SLC26A4: variants seen among roughly 807,000 people sequenced by gnomAD.
SLC26A4 encodes solute carrier family 26 member 4.
Under a neutral mutation model 90.4 loss-of-function variants are expected in SLC26A4, and 93 were observed. The observed-to-expected ratio is 1.03, with a 90% CI of 0.87 to 1.22. The LOEUF (loss-of-function observed/expected upper bound fraction) is 1.22, where lower values mean the gene tolerates loss of function less well. Ranked by LOEUF, SLC26A4 falls within the 50% of genes most tolerant of loss-of-function variation. The pLI, the probability that SLC26A4 is intolerant of heterozygous loss-of-function variation, is 0.00. For synonymous variants in SLC26A4, 393 were observed against 354.6 expected, an observed-to-expected ratio of 1.11 and a Z score of -1.22; for missense variants, 1,127 against 946.2, an observed-to-expected ratio of 1.19 and a Z score of -2.51.
intron 18 of SLC26A4, among the ~76,000 whole-genome samples, chr7:107,704,876 T>A (rs1179182324): frequency 6.6e-6 from 1 of 152,220 alleles, no homozygotes; most frequent in Non-Finnish European, 1.5e-5. Flanking sequence ...TTAGTTTAGG[T>A]TTGATAACTT....
intron 18 of SLC26A4, among the ~76,000 whole-genome samples, chr7:107,706,086 T>C (rs113639704): frequency 0.025 from 3,754 of 152,294 alleles, 152 homozygotes; most frequent in African/African-American, 0.085. Flanking sequence ...CTCATAAATA[T>C]TGAACAGGGC....
At chr7:107,705,320 T>C (rs1792011570) in intron 18 of SLC26A4, among the ~76,000 whole-genome samples, 1 of 152,198 alleles carries the variant, frequency 6.6e-6, no homozygotes, top group South Asian at 2.1e-4. Context: ...GAGTTTTTGT[T>C]GTTTCAGAGA....
At chr7:107,665,029 G>A (rs1249053089) in intron 3 of SLC26A4, among the ~76,000 whole-genome samples, 2 of 152,086 alleles carry the variant, frequency 1.3e-5, no homozygotes, top group African/African-American at 4.8e-5. Flanking sequence ...GGCTGTGGCA[G>A]GGGAGTGCAA....
At chr7:107,679,939 AATCTT>A (rs1284545121) in intron 6 of SLC26A4, among the ~76,000 whole-genome samples, 15 of 138,196 alleles carry the variant, frequency 1.1e-4, no homozygotes, top group East Asian at 8.7e-4. Flanking sequence ...CTTATTATAT[AATCTT>A]ATCTTATATA....
intron 8 of SLC26A4, among the ~76,000 whole-genome samples, chr7:107,683,817 T>C (rs1048854003): frequency 2.0e-5 from 3 of 152,204 alleles, no homozygotes; most frequent in South Asian, 2.1e-4. Flanking sequence ...TTTAAACTTA[T>C]ACATAACATT....
At chr7:107,674,647 T>C (rs1790972028) in intron 5 of SLC26A4, among the ~76,000 whole-genome samples, 1 of 152,176 alleles carries the variant, frequency 6.6e-6, no homozygotes, top group Non-Finnish European at 1.5e-5. Context: ...AAAAGTGTTC[T>C]GGTGAGCGGA....
At position 107,661,682 on chromosome 7, in the gene SLC26A4, C is replaced by T; in HGVS notation, c.41C>T (p.Pro14Leu). The change falls in exon 2 of 21, where the codon CCC becomes CTC. Residue 14 changes from proline (P) to leucine (L), a missense_variant. Coordinates refer to ENST00000644269, the MANE Select transcript of SLC26A4 (RefSeq NM_000441.2). The surrounding 1 kb of genome is among the most constrained non-coding windows in gnomAD (Gnocchi z 5.1). ...GGCAGGTCGGAGCCGCCGCAGCTCC[C>T]CGAGTACAGCTGCAGCTACATGGTG... ...PGGRSEPPQL[P>L]EYSCSYMVSR... The T allele has an allele frequency of 6.4e-7, 1 of 1,572,680 alleles. No individual in the cohort carries two copies. Among genetic ancestry groups the T allele is most frequent in the African/African-American group, 1.3e-5 (1 of 74,438 alleles).
intron 10 of SLC26A4, among the ~76,000 whole-genome samples, chr7:107,690,991 G>T (rs1472446086): frequency 6.6e-6 from 1 of 151,900 alleles, no homozygotes; most frequent in Non-Finnish European, 1.5e-5. Flanking sequence ...CAGGAATTTT[G>T]CTTCTGTCTC....
chr7:107,700,854 G>T (rs1347612198), intron 15 of SLC26A4, among the ~76,000 whole-genome samples: 1 of 152,174 alleles, frequency 6.6e-6, no homozygotes, highest in Non-Finnish European at 1.5e-5. Flanking sequence ...GGGTGTGTGT[G>T]TGTTTCTGTT....
chr7:107,676,466 C>A (rs1791026597), intron 6 of SLC26A4, among the ~76,000 whole-genome samples: 1 of 152,000 alleles, frequency 6.6e-6, no homozygotes, highest in Non-Finnish European at 1.5e-5. Context: ...ATTCACCATG[C>A]AAAAGAAATG....
chr7:107,705,291 C>T (rs2129318998), intron 18 of SLC26A4, among the ~76,000 whole-genome samples: 1 of 152,328 alleles, frequency 6.6e-6, no homozygotes, highest in East Asian at 1.9e-4. Context: ...GTGCCCTCCT[C>T]ATTATCATGT....
chr7:107,665,837 G>A (rs1427374573), intron 3 of SLC26A4, among the ~76,000 whole-genome samples: 2 of 152,150 alleles, frequency 1.3e-5, no homozygotes, highest in African/African-American at 2.4e-5. Context: ...CTGGTAAGTG[G>A]TACAGCTGGG....
intron 18 of SLC26A4, among the ~76,000 whole-genome samples, chr7:107,706,896 G>A (rs570958566): frequency 5.3e-5 from 8 of 152,314 alleles, no homozygotes; most frequent in African/African-American, 1.7e-4. Context: ...AAGGCTGGGT[G>A]CGGTGGCTCA....
chr7:107,676,199 G>A (rs1791019805), intron 6 of SLC26A4, among the ~76,000 whole-genome samples: 1 of 152,178 alleles, frequency 6.6e-6, no homozygotes, highest in Admixed American at 6.5e-5. Context: ...AATTGGGTTA[G>A]TAATAGTATA....
rs545754344 is a variant in SLC26A4 at position 107,689,985 on chromosome 7, A to G, written c.1150-139A>G. The G allele has an allele frequency of 2.1e-5, 15 of 718,938 alleles. No individual in the cohort carries two copies. The African/African-American group carries it at 2.4e-4, about 12-fold the overall frequency. The allele number at this position is 718,938 out of a possible 1,614,324, so 44.5% of individuals were successfully genotyped here. A position where few individuals can be genotyped will look rare whatever the true frequency, so the allele number is the denominator to read the frequency against. On this transcript the variant is annotated intron_variant, in intron 9 of 20. Coordinates refer to ENST00000644269, the MANE Select transcript of SLC26A4 (RefSeq NM_000441.2). The stretch of plus-strand genomic sequence containing the variant: ...TGTCGTACAAGGACCCCAAGTACCT[A>G]TCACGGTAAAAATTAAATTGGACCA...
intron 10 of SLC26A4, 67 bp downstream of exon 10, chr7:107,690,304 T>G: frequency 1.0e-6 from 1 of 962,006 alleles, no homozygotes; most frequent in African/African-American, 1.6e-5. Context: ...AGAGGAAGGC[T>G]CGCACCGAGC....
At chr7:107,677,128 G>A (rs1791044357) in intron 6 of SLC26A4, among the ~76,000 whole-genome samples, 1 of 152,206 alleles carries the variant, frequency 6.6e-6, no homozygotes, top group Non-Finnish European at 1.5e-5. Flanking sequence ...AGTGAGCCGA[G>A]ATCATGCCAC....
At chr7:107,713,166 G>C (rs1451757481) in intron 20 of SLC26A4, among the ~76,000 whole-genome samples, 2 of 152,156 alleles carry the variant, frequency 1.3e-5, no homozygotes, top group Non-Finnish European at 2.9e-5. Flanking sequence ...TTCGCCACTG[G>C]ATAAGAGGTG....
rs191890946 is a variant in SLC26A4, at chr7:107,663,527, C to T, written c.304+92C>T. 18 of 1,360,366 alleles carry T rather than the reference C, an allele frequency of 1.3e-5. No homozygotes were observed. In the East Asian group the frequency reaches 3.9e-4, roughly 29 times the overall value. The allele number at this position is 1,360,366 out of a possible 1,614,324, so 84.3% of individuals were successfully genotyped here. A position where few individuals can be genotyped will look rare whatever the true frequency, so the allele number is the denominator to read the frequency against. The stretch of plus-strand genomic sequence containing the variant: ...TAGGTCTGTGACAGATGGTTGCTTA[C>T]CCTTCAAGGCCTGTATCTTTCCTGT... On this transcript the variant is annotated intron_variant, in intron 3 of 20. Transcript: ENST00000644269.
Sources: allele counts gnomAD v4.1 joint callset (sites outside exome capture counted in the v4.1 genomes callset), GRCh38; gene constraint gnomAD v4.1.1; non-coding constraint Gnocchi (gnomAD v3.1); transcripts MANE v1.5; gene names NCBI Gene and HGNC (gene_info 2026-07-23, HGNC 2026-07-21).